The following CDH4 variants were observed in gnomAD, a reference collection of about 807,000 sequenced individuals.
CDH4 encodes the protein cadherin-4.
Under a neutral mutation model 86.0 loss-of-function variants are expected in CDH4, and 33 were observed. The ratio of observed to expected loss-of-function variants is 0.38; its 90% CI spans 0.29 to 0.51. CDH4 has a LOEUF of 0.51. Among genes scored for constraint, CDH4 ranks in the 20% least tolerant of loss-of-function variants. The probability of loss-of-function intolerance (pLI) is 0.86; values close to 1 mark genes in which losing one functional copy is unlikely to be tolerated. For synonymous variants in CDH4, 555 were observed against 549.4 expected (o/e 1.01, Z -0.14); for missense variants, 1,114 against 1,307.4 (o/e 0.85, Z 2.28).
At chr20:61,290,415 T>C (rs113504431) in intron 2 of CDH4, among the ~76,000 whole-genome samples, 6 of 115,400 alleles carry the variant, frequency 5.2e-5, no homozygotes, top group Non-Finnish European at 9.0e-5. Flanking sequence ...CCGTATCCAA[T>C]GAGACTTGCT....
chr20:61,801,357 A>G (rs1014453331), intron 4 of CDH4, among the ~76,000 whole-genome samples: 1 of 152,062 alleles, frequency 6.6e-6, no homozygotes, highest in African/African-American at 2.4e-5. Flanking sequence ...AACCACAAAC[A>G]CTGGTGTGTG....
intron 2 of CDH4, among the ~76,000 whole-genome samples, chr20:61,651,116 C>T (rs1481237669): frequency 6.6e-6 from 1 of 151,620 alleles, no homozygotes; most frequent in Non-Finnish European, 1.5e-5. Context: ...GAGTTAGCAC[C>T]GTGCTTGGCC....
chr20:61,706,825 C>T (rs932940851), intron 2 of CDH4, among the ~76,000 whole-genome samples: 2 of 152,176 alleles, frequency 1.3e-5, no homozygotes, highest in Admixed American at 6.5e-5. Context: ...GTCATGTGAC[C>T]GTCAGCATCC....
intron 2 of CDH4, among the ~76,000 whole-genome samples, chr20:61,485,341 T>C (rs963658089): frequency 6.6e-5 from 10 of 152,148 alleles, no homozygotes; most frequent in African/African-American, 2.2e-4. Context: ...AGCACCACAC[T>C]CTCTCCAAGA....
chr20:61,690,833 C>G (rs1468865121), intron 2 of CDH4, among the ~76,000 whole-genome samples: 1 of 152,056 alleles, frequency 6.6e-6, no homozygotes, highest in African/African-American at 2.4e-5. Context: ...CTTAGGTTTT[C>G]CAGAGTCTGT....
At chr20:61,631,984 G>A (rs1203967102) in intron 2 of CDH4, among the ~76,000 whole-genome samples, 1 of 152,248 alleles carries the variant, frequency 6.6e-6, no homozygotes, top group African/African-American at 2.4e-5. Flanking sequence ...CTGACAGTGG[G>A]GCACCATCCA....
intron 2 of CDH4, among the ~76,000 whole-genome samples, chr20:61,262,785 C>T (rs1354970377): frequency 6.7e-6 from 1 of 149,360 alleles, no homozygotes; most frequent in Non-Finnish European, 1.5e-5. Context: ...TTCCCTCTCT[C>T]CTCCCTCCCT....
At chr20:61,525,909 C>T (rs982811118) in intron 2 of CDH4, among the ~76,000 whole-genome samples, 1 of 152,182 alleles carries the variant, frequency 6.6e-6, no homozygotes, top group Non-Finnish European at 1.5e-5. Flanking sequence ...AAGGAAATGC[C>T]ATCCCCACTG....
intron 3 of CDH4, among the ~76,000 whole-genome samples, chr20:61,767,386 G>T (rs991676692): frequency 6.6e-6 from 1 of 152,232 alleles, no homozygotes; most frequent in Non-Finnish European, 1.5e-5. Context: ...AGGAAAAGAT[G>T]CACAGCCCCC....
chr20:61,917,874 T>C (rs2054922383), intron 9 of CDH4, among the ~76,000 whole-genome samples: 1 of 152,292 alleles, frequency 6.6e-6, no homozygotes. Context: ...CATAATCATC[T>C]TTCTGGAAGG....
At chr20:61,572,255 C>A (rs1271537977) in intron 2 of CDH4, among the ~76,000 whole-genome samples, 1 of 152,082 alleles carries the variant, frequency 6.6e-6, no homozygotes, top group Admixed American at 6.5e-5. Context: ...GTGTGTGTGT[C>A]CCTTAGACTA....
intron 2 of CDH4, among the ~76,000 whole-genome samples, chr20:61,601,118 C>T (rs1054400811): frequency 6.6e-6 from 1 of 152,184 alleles, no homozygotes; most frequent in East Asian, 1.9e-4. Flanking sequence ...ACAGGCATGG[C>T]ACCGGCATCT....
chr20:61,841,260 G>A (rs558983006), intron 4 of CDH4, among the ~76,000 whole-genome samples: 5 of 152,332 alleles, frequency 3.3e-5, no homozygotes, highest in Admixed American at 1.3e-4. Flanking sequence ...TCGGAGAAGC[G>A]CAGCGCTCCC....
At chr20:61,259,202 G>C (rs1177881373) in intron 2 of CDH4, among the ~76,000 whole-genome samples, 1 of 152,238 alleles carries the variant, frequency 6.6e-6, no homozygotes, top group Non-Finnish European at 1.5e-5. Context: ...CATTCAGACA[G>C]AGGCATGGTT....
chr20:61,355,126 G>T (rs1405587765), intron 2 of CDH4, among the ~76,000 whole-genome samples: 1 of 152,148 alleles, frequency 6.6e-6, no homozygotes, highest in Non-Finnish European at 1.5e-5. Flanking sequence ...GGAGAAAAAC[G>T]CACCGTTAAG....
At chr20:61,359,275 G>C (rs1170339616) in intron 2 of CDH4, among the ~76,000 whole-genome samples, 1 of 152,138 alleles carries the variant, frequency 6.6e-6, no homozygotes, top group Non-Finnish European at 1.5e-5. Flanking sequence ...GTTTGGGGGT[G>C]GGGGGTGGAC....
chr20:61,388,301 C>T (rs1001795431), intron 2 of CDH4, among the ~76,000 whole-genome samples: 15 of 152,090 alleles, frequency 9.9e-5, no homozygotes, highest in African/African-American at 3.4e-4. Flanking sequence ...GGGGTTGACC[C>T]CCGTCTCACT....
At chr20:61,562,897 C>T (rs1421139015) in intron 2 of CDH4, among the ~76,000 whole-genome samples, 1 of 152,216 alleles carries the variant, frequency 6.6e-6, no homozygotes, top group Non-Finnish European at 1.5e-5. Context: ...TGAGTCTTCA[C>T]GGCTCCTGAA....
At chr20:61,831,499 C>G (rs1372035347) in intron 4 of CDH4, among the ~76,000 whole-genome samples, 1 of 152,282 alleles carries the variant, frequency 6.6e-6, no homozygotes, top group Non-Finnish European at 1.5e-5. Context: ...ACAGCCAGGC[C>G]TGACACCCCG....
Sources: gnomAD v4.1 joint callset for allele counts (sites outside exome capture counted in the v4.1 genomes callset) on GRCh38, gnomAD v4.1.1 for gene constraint, MANE v1.5 for transcripts, NCBI Gene and HGNC (gene_info 2026-07-23, HGNC 2026-07-21) for gene names.